The following ALS2 variants were observed in gnomAD, a reference collection of about 807,000 sequenced individuals.
The protein encoded by ALS2 is alsin Rho guanine nucleotide exchange factor ALS2.
Under a neutral mutation model 203.4 loss-of-function variants are expected in ALS2, and 117 were observed. The observed-to-expected ratio is 0.58, with a 90% CI of 0.50 to 0.67. The LOEUF is 0.67. ALS2 is among the 30% of genes least tolerant of loss of function. ALS2 has a pLI of 0.00. For synonymous variants in ALS2, 718 were observed against 725.9 expected (o/e 0.99, Z 0.17); for missense variants, 1,715 against 1,989.4 (o/e 0.86, Z 2.62).
intron 8 of ALS2, among the ~76,000 whole-genome samples, chr2:201,749,218 TA>T (rs11308291): frequency 0.53 from 78,001 of 147,222 alleles, 22,352 homozygotes; most frequent in Admixed American, 0.67. Context: ...CATCTAACAG[TA>T]AAAAAAAAAA....
At position 201,760,871 on chromosome 2, in the gene ALS2, G is replaced by T; in HGVS notation, c.1113+10C>A. ...AGACACACTTTTATTTTATAAAATT[G>T]AGCAGGTACCTGAGATGGCACTGGC... On this transcript the variant is annotated intron_variant, in intron 4 of 33. Coordinates refer to ENST00000264276, the MANE Select transcript of ALS2 (RefSeq NM_020919.4). 1 of 1,609,034 alleles carries T rather than the reference G, an allele frequency of 6.2e-7. No individual in the cohort carries two copies. The highest frequency in any genetic ancestry group is 1.1e-5 in the South Asian group (1 of 90,700).
At chr2:201,767,748 G>C (rs1380960556) in intron 2 of ALS2, among the ~76,000 whole-genome samples, 1 of 151,218 alleles carries the variant, frequency 6.6e-6, no homozygotes, top group Non-Finnish European at 1.5e-5. Context: ...TGAACCTGTA[G>C]TCCCAGCTAC....
chr2:201,721,695 G>A (rs988577883), intron 23 of ALS2, among the ~76,000 whole-genome samples: 46 of 151,892 alleles, frequency 3.0e-4, no homozygotes, highest in African/African-American at 8.2e-4. Context: ...ACGGAGTCTC[G>A]CTCTGTCACC....
At chr2:201,706,813 C>T (rs1689744669) in intron 29 of ALS2, 33 bp downstream of exon 29, 1 of 1,612,382 alleles carries the variant, frequency 6.2e-7, no homozygotes, top group Non-Finnish European at 8.5e-7. Context: ...TAAATTAAAA[C>T]CATTTGGTTG....
chr2:201,708,474 T>C (rs1377361784), intron 27 of ALS2, among the ~76,000 whole-genome samples: 3 of 152,208 alleles, frequency 2.0e-5, no homozygotes, highest in Non-Finnish European at 4.4e-5. Flanking sequence ...TGGTAAAGTC[T>C]GGGCTTCTGG....
At chr2:201,742,563 AGCTTCCAGCTTAGATT>A (rs1692347944) in intron 10 of ALS2, among the ~76,000 whole-genome samples, 1 of 152,226 alleles carries the variant, frequency 6.6e-6, no homozygotes, top group Admixed American at 6.5e-5. Context: ...CAATCCAGGA[AGCTTCCAGCTTAGATT>A]GCTTCCTTTC....
intron 3 of ALS2, among the ~76,000 whole-genome samples, 195 bp downstream of exon 3, chr2:201,767,034 T>C (rs537778118): frequency 6.6e-6 from 1 of 151,210 alleles, no homozygotes; most frequent in African/African-American, 2.4e-5. Context: ...ATGGCACATG[T>C]ATACATAAGT....
rs1272265923 is a variant in ALS2, at chr2:201,754,671, A to T, written c.1472T>A (p.Val491Asp). 1 of 1,614,112 alleles carries T rather than the reference A, an allele frequency of 6.2e-7. No homozygotes were observed. Among genetic ancestry groups the T allele is most frequent in the Non-Finnish European group, 8.5e-7 (1 of 1,180,000 alleles). The change falls in exon 6 of 34, where the codon GTT (valine) becomes GAT (aspartate). Residue 491 changes from valine to aspartate, a missense_variant and splice_region_variant. Physicochemically the swap from Val to Asp is radical, Grantham distance 152. This residue lies in a region of ALS2 where 1,227 missense variants were observed against 1,413.5 expected (regional missense o/e 0.87). Coordinates refer to ENST00000264276, the MANE Select transcript of ALS2 (RefSeq NM_020919.4). ...RLSLPGLLSQVSPRLLRKAAR... is the reference protein window; with the variant it reads ...RLSLPGLLSQDSPRLLRKAAR... ...AGCCTTTCTTAAGAGCCTGGGGGAA[A>T]CTGAAAACCAACCAGACGTGGGGTG...
chr2:201,774,699 TATA>T (rs1181502167), intron 1 of ALS2, among the ~76,000 whole-genome samples: 1 of 152,220 alleles, frequency 6.6e-6, no homozygotes, highest in Non-Finnish European at 1.5e-5. Context: ...GAGTCATAAG[TATA>T]ATAACTTGCA....
intron 12 of ALS2, among the ~76,000 whole-genome samples, chr2:201,736,739 A>C (rs1229498990): frequency 1.3e-5 from 2 of 152,206 alleles, no homozygotes; most frequent in African/African-American, 4.8e-5. Flanking sequence ...AATCGTAAGA[A>C]TGAGAAACAG....
chr2:201,713,128 C>CTTTCCTTT (rs1690138008), intron 25 of ALS2, among the ~76,000 whole-genome samples: 2 of 81,146 alleles, frequency 2.5e-5, no homozygotes, highest in African/African-American at 7.8e-5. Flanking sequence ...TTCTCCTTTT[C>CTTTCCTTT]TTTTCTTTTT....
At chr2:201,718,904 G>C (rs1690580235) in intron 23 of ALS2, among the ~76,000 whole-genome samples, 1 of 151,854 alleles carries the variant, frequency 6.6e-6, no homozygotes, top group African/African-American at 2.4e-5. Context: ...AATTACAAAA[G>C]GAGGAACAAA....
In ALS2 at chr2:201,723,375, C is replaced by T; in HGVS notation, c.3579G>A (p.Gln1193=). ...VCQGNGVVVT[Q]FGLYYEGNFH... is the part of the protein sequence containing the mutation. ...AGTTGCCCTCGTAGTATAATCCAAA[C>T]TGGGTAACCACCACACCATTCCCTT... The change falls in exon 22 of 34, where the codon CAG becomes CAA. Residue 1193 remains glutamine (Q), a synonymous_variant. Transcript: ENST00000264276. 1 of 1,614,124 alleles carries T rather than the reference C, an allele frequency of 6.2e-7. No individual in the cohort carries two copies. The highest frequency in any genetic ancestry group is 8.5e-7 in the Non-Finnish European group (1 of 1,179,980).
At position 201,715,737 on chromosome 2, in the gene ALS2, T is replaced by C. The variant is rs781519422; in HGVS notation, c.3939A>G (p.Glu1313=). ...QLGCEGPGQG[E]VWKAWDNIAV... is the part of the protein sequence containing the mutation. ...CAATATTGTCCCATGCTTTCCAAAC[T>C]TCCCCTTGGCCTGGGCCCTCACAGC... Residue 1313 remains glutamate (E), a synonymous_variant, in exon 25 of 34, where the codon GAA becomes GAG. Coordinates refer to ENST00000264276, the MANE Select transcript of ALS2 (RefSeq NM_020919.4). The C allele has an allele frequency of 6.2e-7, 1 of 1,614,220 alleles. No homozygotes were observed. Among genetic ancestry groups the C allele is most frequent in the Non-Finnish European group, 8.5e-7 (1 of 1,180,042 alleles).
At chr2:201,725,541 A>C (rs974504761) in intron 19 of ALS2, 87 bp from the exon 20 acceptor site, 53 of 1,114,242 alleles carry the variant, frequency 4.8e-5, no homozygotes, top group Non-Finnish European at 7.1e-5. Context: ...ACATTTTAAC[A>C]AGGAAGACAG....
At chr2:201,706,554 T>TAA (rs1553500779) in intron 29 of ALS2, among the ~76,000 whole-genome samples, 2 of 135,952 alleles carry the variant, frequency 1.5e-5, no homozygotes, top group African/African-American at 5.3e-5. Context: ...TATATATATA[T>TAA]AACTATACAT....
At chr2:201,780,282 C>T (rs970332701) in intron 1 of ALS2, among the ~76,000 whole-genome samples, 7 of 152,350 alleles carry the variant, frequency 4.6e-5, no homozygotes, top group South Asian at 2.1e-4. Context: ...CTCAAAATAA[C>T]TTATCTTCTC....
At chr2:201,755,805 A>G (rs544248861) in intron 5 of ALS2, among the ~76,000 whole-genome samples, 2 of 152,344 alleles carry the variant, frequency 1.3e-5, no homozygotes, top group Admixed American at 6.5e-5. Context: ...AAATTACATC[A>G]AACACACACA....
At chr2:201,709,283 CTTTA>C (rs1689895078) in intron 27 of ALS2, among the ~76,000 whole-genome samples, 1 of 152,144 alleles carries the variant, frequency 6.6e-6, no homozygotes, top group South Asian at 2.1e-4. Flanking sequence ...TACTCTTTCC[CTTTA>C]TTTTTCTCCA....
Sources: gnomAD v4.1 joint callset for allele counts (sites outside exome capture counted in the v4.1 genomes callset) on GRCh38, gnomAD v4.1.1 for gene constraint, gnomAD v4.1.1 regional missense constraint, MANE v1.5 for transcripts, NCBI Gene and HGNC (gene_info 2026-07-23, HGNC 2026-07-21) for gene names.